MIPOL1: variants seen among roughly 807,000 people sequenced by gnomAD.
MIPOL1 encodes mirror-image polydactyly 1, also known as mirror-image polydactyly gene 1 protein.
In MIPOL1, 57 loss-of-function variants were observed where a neutral mutation model predicts 60.9. That is an observed-to-expected ratio of 0.94 (90% CI 0.76 to 1.17). MIPOL1 has a LOEUF of 1.17. Ranked by LOEUF, MIPOL1 falls within the 50% of genes most tolerant of loss-of-function variation. The probability of loss-of-function intolerance (pLI) is 0.00; values close to 1 mark genes in which losing one functional copy is unlikely to be tolerated. For synonymous variants in MIPOL1, 179 were observed against 168.8 expected, an observed-to-expected ratio of 1.06 and a Z score of -0.47; for missense variants, 551 against 511.6, an observed-to-expected ratio of 1.08 and a Z score of -0.74.
chr14:37,232,480 T>C (rs1970783491), intron 1 of MIPOL1, among the ~76,000 whole-genome samples: 1 of 152,208 alleles, frequency 6.6e-6, no homozygotes, highest in African/African-American at 2.4e-5. Context: ...TCACCAGGAC[T>C]TGAGCCATCC....
At chr14:37,207,159 CAT>C (rs1966220368) in intron 1 of MIPOL1, among the ~76,000 whole-genome samples, 1 of 152,150 alleles carries the variant, frequency 6.6e-6, no homozygotes, top group Admixed American at 6.5e-5. Flanking sequence ...GTAATTCCCT[CAT>C]GTGGTGGAAG....
chr14:37,248,975 A>AGGAT (rs3061903), intron 3 of MIPOL1, among the ~76,000 whole-genome samples: 25,503 of 149,314 alleles, frequency 0.17, 2,363 homozygotes, highest in African/African-American at 0.24. Flanking sequence ...AACAAATGGA[A>AGGAT]GGATGGATGG....
intron 11 of MIPOL1, among the ~76,000 whole-genome samples, chr14:37,436,256 G>T (rs1411906977): frequency 2.0e-5 from 3 of 152,078 alleles, no homozygotes; most frequent in African/African-American, 7.2e-5. Context: ...GAGATGAAGA[G>T]GGTGCCTTTT....
chr14:37,332,624 C>G (rs1200354930), intron 9 of MIPOL1, among the ~76,000 whole-genome samples: 1 of 152,138 alleles, frequency 6.6e-6, no homozygotes, highest in Non-Finnish European at 1.5e-5. Flanking sequence ...AATACATTTA[C>G]AATACTGAAC....
intron 11 of MIPOL1, among the ~76,000 whole-genome samples, chr14:37,433,362 C>A (rs1056974355): frequency 6.6e-6 from 1 of 152,012 alleles, no homozygotes; most frequent in Non-Finnish European, 1.5e-5. Context: ...TAATGCTATC[C>A]CTCCCCTTGC....
At chr14:37,215,264 A>G (rs1967438166) in intron 1 of MIPOL1, among the ~76,000 whole-genome samples, 4 of 151,670 alleles carry the variant, frequency 2.6e-5, no homozygotes, top group Admixed American at 1.3e-4. Flanking sequence ...CTTGTCTTGT[A>G]TCCAATAAAT....
intron 11 of MIPOL1, among the ~76,000 whole-genome samples, chr14:37,433,011 A>T (rs2094101400): frequency 6.6e-6 from 1 of 152,202 alleles, no homozygotes; most frequent in Non-Finnish European, 1.5e-5. Flanking sequence ...TGAAAATCTC[A>T]GAGCAAGCCA....
intron 1 of MIPOL1, among the ~76,000 whole-genome samples, chr14:37,210,408 T>G (rs1966733036): frequency 6.6e-6 from 1 of 152,038 alleles, no homozygotes; most frequent in Non-Finnish European, 1.5e-5. Context: ...GGGAAAGTCA[T>G]TTAGTGGTTA....
At chr14:37,287,454 G>C (rs1465685923) in intron 7 of MIPOL1, among the ~76,000 whole-genome samples, 1 of 151,990 alleles carries the variant, frequency 6.6e-6, no homozygotes, top group Non-Finnish European at 1.5e-5. Context: ...GGGTCTCACT[G>C]TGTGGCCCAG....
intron 11 of MIPOL1, among the ~76,000 whole-genome samples, chr14:37,426,401 C>G (rs2093959900): frequency 6.6e-6 from 1 of 151,002 alleles, no homozygotes; most frequent in African/African-American, 2.4e-5. Context: ...AACCCTGTCT[C>G]TACTAAAAAT....
chr14:37,276,163 A>G (rs1268796961), intron 6 of MIPOL1, among the ~76,000 whole-genome samples: 1 of 151,144 alleles, frequency 6.6e-6, no homozygotes, highest in Admixed American at 6.6e-5. Context: ...TTCAATGGTT[A>G]CATAATTTGC....
intron 12 of MIPOL1, among the ~76,000 whole-genome samples, chr14:37,521,367 TTCTC>T (rs1417870172): frequency 6.6e-6 from 1 of 152,212 alleles, no homozygotes; most frequent in African/African-American, 2.4e-5. Flanking sequence ...TTCTAATTTG[TTCTC>T]TCTTTAACTT....
chr14:37,477,043 G>A (rs1338162352), intron 11 of MIPOL1, among the ~76,000 whole-genome samples: 1 of 151,758 alleles, frequency 6.6e-6, no homozygotes, highest in Non-Finnish European at 1.5e-5. Context: ...CGAGATTACA[G>A]GCGTGTACCA....
At chr14:37,202,761 C>G (rs567939878) in intron 1 of MIPOL1, among the ~76,000 whole-genome samples, 11 of 152,332 alleles carry the variant, frequency 7.2e-5, no homozygotes, top group Admixed American at 3.9e-4. Context: ...ATTGCCTGCA[C>G]TACATTGCCA....
intron 11 of MIPOL1, among the ~76,000 whole-genome samples, chr14:37,479,810 A>G (rs2094833990): frequency 6.6e-6 from 1 of 152,126 alleles, no homozygotes; most frequent in Non-Finnish European, 1.5e-5. Context: ...TAAGAAAAAG[A>G]GAGGGAAGAC....
At chr14:37,279,611 G>A (rs1010472821) in intron 6 of MIPOL1, among the ~76,000 whole-genome samples, 1 of 151,758 alleles carries the variant, frequency 6.6e-6, no homozygotes. Flanking sequence ...GGTTTTGAGG[G>A]TTTTTTTGTT....
chr14:37,481,560 AACACACACACACACACACACACAC>A (rs3062719), intron 11 of MIPOL1, among the ~76,000 whole-genome samples: 3 of 113,196 alleles, frequency 2.7e-5, no homozygotes, highest in South Asian at 3.2e-4. Flanking sequence ...GACCCCCCCC[AACACACACACACACACACACACAC>A]ACACACACAC....
chr14:37,345,813 T>C (rs2090908465), intron 9 of MIPOL1, among the ~76,000 whole-genome samples: 1 of 152,228 alleles, frequency 6.6e-6, no homozygotes, highest in African/African-American at 2.4e-5. Flanking sequence ...AAAACTTATG[T>C]GTGTTCATAC....
At chr14:37,496,026 T>C (rs1034250206) in intron 11 of MIPOL1, among the ~76,000 whole-genome samples, 2 of 151,708 alleles carry the variant, frequency 1.3e-5, no homozygotes, top group African/African-American at 4.8e-5. Context: ...TTCTGGATAT[T>C]AGCCCTTTGT....
Sources: allele counts gnomAD v4.1 joint callset (sites outside exome capture counted in the v4.1 genomes callset), GRCh38; gene constraint gnomAD v4.1.1; transcripts MANE v1.5; gene names NCBI Gene and HGNC (gene_info 2026-07-23, HGNC 2026-07-21).